Variants in BCR observed in about 807,000 individuals in gnomAD.
BCR encodes breakpoint cluster region protein.
BCR carries 58 observed loss-of-function variants against 138.6 expected under a neutral mutation model. The observed-to-expected ratio is 0.42, with a 90% confidence interval of 0.34 to 0.52. BCR has a LOEUF of 0.52. Among genes scored for constraint, BCR ranks in the 20% least tolerant of loss-of-function variants. BCR has a pLI of 0.06. For synonymous variants in BCR, 786 were observed against 730.1 expected (o/e 1.08, Z -1.23); for missense variants, 1,599 against 1,727.2 (o/e 0.93, Z 1.32).
At chr22:23,294,775 A>C (rs548193429) in intron 15 of BCR, among the ~76,000 whole-genome samples, 1 of 152,282 alleles carries the variant, frequency 6.6e-6, no homozygotes, top group East Asian at 1.9e-4. Flanking sequence ...ATGCTGGTGT[A>C]AGGAGTTTGG....
At position 23,253,799 on chromosome 22, in the gene BCR, A is replaced by G; in HGVS notation, c.1280A>G (p.Asp427Gly). 6.2e-7 allele frequency: 1 copy of G among 1,610,028 alleles called. No homozygotes were observed. Among genetic ancestry groups the G allele is most frequent in the Non-Finnish European group, 8.5e-7 (1 of 1,177,762 alleles). Residue 427 changes from aspartate to glycine, a missense_variant and splice_region_variant, in exon 2 of 23, where the codon GAT (aspartate) becomes GGT (glycine). Around this residue, in one of 4 missense-constraint regions of BCR, gnomAD observed 806 missense variants for 635.0 expected, o/e 1.27. Coordinates refer to ENST00000305877, the MANE Select transcript of BCR (RefSeq NM_004327.4). ...DGEGAFHGDA[D>G]GSFGTPPGYG... ...ACAGGATGCTTCTTTGCACACACAG[A>G]TGGCTCGTTCGGAACACCACCTGGA...
chr22:23,182,266 GCA>G, intron 1 of BCR, 27 bp downstream of exon 1: 1 of 1,511,812 alleles, frequency 6.6e-7, no homozygotes, highest in Middle Eastern at 1.7e-4. Flanking sequence ...ACGTGCGTGG[GCA>G]CACCTGCACG....
chr22:23,220,847 T>C (rs1025874431), intron 1 of BCR, among the ~76,000 whole-genome samples: 8 of 152,270 alleles, frequency 5.3e-5, no homozygotes, highest in Middle Eastern at 3.4e-3. Context: ...CCAGGGAGAT[T>C]TATTTCATGC....
In BCR at chr22:23,181,220, C is replaced by G. The variant is rs1456587786; in HGVS notation, c.260C>G (p.Ala87Gly). Residue 87 changes from alanine to glycine, a missense_variant, in exon 1 of 23, where the codon GCC (alanine) becomes GGC (glycine). By Grantham distance (60) the Ala-to-Gly change is moderately conservative (BLOSUM62 0). Coordinates refer to ENST00000305877, the MANE Select transcript of BCR (RefSeq NM_004327.4). ...FRRAAQAPDG[A>G]SEPRASASRP... The stretch of plus-strand genomic sequence containing the variant: ...CGCGCGGCGCAGGCCCCCGACGGCG[C>G]CTCCGAGCCCCGAGCGTCCGCGTCG... 2 of 1,236,880 alleles carry G rather than the reference C, an allele frequency of 1.6e-6. No homozygotes were observed. The highest frequency in any genetic ancestry group is 4.1e-5 in the Admixed American group (1 of 24,336). 76.6% of individuals were successfully genotyped at this position (1,236,880 alleles called of 1,614,324 possible).
chr22:23,277,357 G>C (rs1275360254), intron 8 of BCR, among the ~76,000 whole-genome samples: 1 of 152,194 alleles, frequency 6.6e-6, no homozygotes, highest in African/African-American at 2.4e-5. Flanking sequence ...ATGGGCCCCT[G>C]GCCGCCTGTG....
intron 16 of BCR, among the ~76,000 whole-genome samples, chr22:23,302,190 C>T (rs1269813518): frequency 2.6e-5 from 4 of 152,282 alleles, no homozygotes; most frequent in East Asian, 1.9e-4. Context: ...ATCTGAGACT[C>T]GGGCAAGTGG....
Position 23,268,449 on chromosome 22 carries a change from C to T in BCR, c.1794C>T (p.Tyr598=), listed in dbSNP as rs778348369. The part of the protein sequence containing the change: ...LGVYRAFVDN[Y]GVAMEMAEKC... Reference sequence around the variant, plus strand: ...TGTACCGGGCCTTCGTGGACAACTACGGAGTTGCCATGGAAATGGCTGAGA... The same window carrying T: ...TGTACCGGGCCTTCGTGGACAACTATGGAGTTGCCATGGAAATGGCTGAGA... Residue 598 remains tyrosine (Y), a synonymous_variant, in exon 5 of 23, where the codon TAC becomes TAT. Transcript: ENST00000305877. 1.6e-5 allele frequency: 26 copies of T among 1,613,748 alleles called. No individual in the cohort carries two copies. The highest frequency in any genetic ancestry group is 3.3e-5 in the Admixed American group (2 of 59,960).
chr22:23,276,617 G>A (rs7289192), intron 8 of BCR, among the ~76,000 whole-genome samples: 35,396 of 152,088 alleles, frequency 0.23, 4,495 homozygotes, highest in Middle Eastern at 0.3. Context: ...TTCTATCCGA[G>A]GCACGTTAAG....
chr22:23,224,884 C>T (rs6003577), intron 1 of BCR, among the ~76,000 whole-genome samples: 1 of 152,062 alleles, frequency 6.6e-6, no homozygotes, highest in African/African-American at 2.4e-5. Flanking sequence ...TCCATCCCCC[C>T]CAAAAAAACA....
At chr22:23,297,204 GT>G (rs1568979500) in intron 16 of BCR, among the ~76,000 whole-genome samples, 1 of 124,158 alleles carries the variant, frequency 8.1e-6, no homozygotes, top group South Asian at 2.7e-4. Context: ...GCCTGGCTAA[GT>G]TGTTTTTTGT....
At chr22:23,273,959 C>T (rs1392882499) in intron 8 of BCR, among the ~76,000 whole-genome samples, 185 bp downstream of exon 8, 1 of 152,188 alleles carries the variant, frequency 6.6e-6, no homozygotes, top group African/African-American at 2.4e-5. Flanking sequence ...AGGGGTGACC[C>T]TGCAAGCACC....
At chr22:23,289,471 A>G in intron 12 of BCR, 46 bp from the exon 13 acceptor site, 2 of 1,526,086 alleles carry the variant, frequency 1.3e-6, no homozygotes, top group South Asian at 2.3e-5. Context: ...CCAGAGGGCC[A>G]AGGAGCAGAT....
At chr22:23,229,574 A>G (rs901740145) in intron 1 of BCR, among the ~76,000 whole-genome samples, 1 of 152,036 alleles carries the variant, frequency 6.6e-6, no homozygotes, top group Non-Finnish European at 1.5e-5. Flanking sequence ...TGGTTCCGGT[A>G]TCCACCCTGC....
Position 23,181,543 on chromosome 22 carries a change from G to C in BCR, c.583G>C (p.Glu195Gln), listed in dbSNP as rs1252087783. The C allele has an allele frequency of 6.2e-7, 1 of 1,612,880 alleles. No individual in the cohort carries two copies. Among genetic ancestry groups the C allele is most frequent in the East Asian group, 2.2e-5 (1 of 44,884 alleles). The change falls in exon 1 of 23, where the codon GAG becomes CAG. Residue 195 changes from glutamate (E) to glutamine (Q), a missense_variant. Transcript: ENST00000305877. ...ERGLVKVNDK[E>Q]VSDRISSLGS... ...CGGCCTGGTGAAGGTCAACGACAAA[G>C]AGGTGTCGGACCGCATCAGCTCCCT...
In BCR at chr22:23,187,109, A is replaced by G. The variant is rs116416728; in HGVS notation, c.1279+4870A>G. Among the ~76,000 whole-genome samples the G allele has an allele frequency of 3.5e-3, 540 of 152,262 alleles. 4 individuals carry two copies. Among genetic ancestry groups the G allele is most frequent in the African/African-American group, 0.012 (506 of 41,544 alleles). On this transcript the variant is annotated intron_variant, in intron 1 of 22. Transcript: ENST00000305877. ...CAGGGAGCCTGGTTCTGAGCTTTAC[A>G]CATAGCACATACTGGAAGAGCCCTT...
Position 23,314,617 on chromosome 22 carries a change from C to T in BCR, c.3629C>T (p.Thr1210Met), listed in dbSNP as rs766837416. The change falls in exon 22 of 23, where the codon ACG (threonine) becomes ATG (methionine). Residue 1210 changes from threonine (T) to methionine (M), a missense_variant. Transcript: ENST00000305877. Reference sequence around the variant, plus strand: ...AACCTCGCCACGGTCTTTGGCCCCACGCTGCTCCGGCCCTCCGAGAAGGAG... The same window carrying T: ...AACCTCGCCACGGTCTTTGGCCCCATGCTGCTCCGGCCCTCCGAGAAGGAG... ...LHNLATVFGP[T>M]LLRPSEKESK... The T allele has an allele frequency of 2.5e-6, 4 of 1,612,018 alleles. No individual in the cohort carries two copies. The highest frequency in any genetic ancestry group is 1.1e-5 in the South Asian group (1 of 90,980).
Position 23,289,521 on chromosome 22 carries a change from C to T in BCR, c.2607C>T (p.Phe869=), listed in dbSNP as rs1568975552. ...ENIREQQKKC[F]RSFSLTSVEL... is the part of the protein sequence containing the mutation. ...ACCTCTTTTCCAACCTCCCAGGTTT[C>T]AGAAGCTTCTCCCTGACATCCGTGG... is the stretch of plus-strand genomic sequence containing the variant. The change falls in exon 13 of 23, where the codon TTC becomes TTT. Residue 869 remains phenylalanine, a synonymous_variant. Transcript: ENST00000305877. The T allele has an allele frequency of 5.6e-6, 9 of 1,614,038 alleles. No individual in the cohort carries two copies. The Admixed American group carries it at 1.5e-4, about 27-fold the overall frequency.
intron 5 of BCR, among the ~76,000 whole-genome samples, 192 bp downstream of exon 5, chr22:23,268,707 G>A (rs1272795089): frequency 1.3e-5 from 2 of 152,234 alleles, no homozygotes; most frequent in Non-Finnish European, 2.9e-5. Context: ...GCAGCCCACA[G>A]GGCGTCCTGC....
chr22:23,260,971 G>T lies in BCR; in HGVS notation c.1483G>T (p.Gly495Cys), dbSNP rs777646028. The change falls in exon 3 of 23, where the codon GGC (glycine) becomes TGC (cysteine). Residue 495 changes from glycine (G) to cysteine (C), a missense_variant. Gly to Cys is a radical substitution (Grantham distance 159). Coordinates refer to ENST00000305877, the MANE Select transcript of BCR (RefSeq NM_004327.4). ...TKASELDLEK[G>C]LEMRKWVLSG... ...GCAGAGTGAGCTGGACTTGGAAAAG[G>T]GCTTGGAGATGAGAAAATGGGTCCT... is the stretch of plus-strand genomic sequence containing the variant. 6.2e-7 allele frequency: 1 copy of T among 1,613,946 alleles called. No individual in the cohort carries two copies. The highest frequency in any genetic ancestry group is 1.3e-5 in the African/African-American group (1 of 74,926).
Sources: gnomAD v4.1 joint callset for allele counts (sites outside exome capture counted in the v4.1 genomes callset) on GRCh38, gnomAD v4.1.1 for gene constraint, gnomAD v4.1.1 regional missense constraint, MANE v1.5 for transcripts, NCBI Gene and HGNC (gene_info 2026-07-23, HGNC 2026-07-21) for gene names.